Variants in ZNF385B observed in about 807,000 individuals in gnomAD.
The protein encoded by ZNF385B is zinc finger protein 385B, also known as zinc finger protein 533.
Under a neutral mutation model 39.2 loss-of-function variants are expected in ZNF385B, and 23 were observed. The ratio of observed to expected loss-of-function variants is 0.59; its 90% CI spans 0.42 to 0.83. ZNF385B has a LOEUF of 0.83. Ranked by LOEUF, ZNF385B falls within the 40% of genes least tolerant of loss-of-function variation. ZNF385B has a pLI of 0.00. For missense variants in ZNF385B, 552 were observed against 598.9 expected (o/e 0.92, Z 0.82); for synonymous variants, 205 against 222.6 (o/e 0.92, Z 0.70).
At chr2:179,688,490 A>AACAAC (rs1698096846) in intron 3 of ZNF385B, among the ~76,000 whole-genome samples, 29 of 149,680 alleles carry the variant, frequency 1.9e-4, no homozygotes, top group African/African-American at 7.2e-4. Flanking sequence ...TCCCCCTGCA[A>AACAAC]AACAACAACA....
At chr2:179,667,779 C>G (rs887768450) in intron 3 of ZNF385B, among the ~76,000 whole-genome samples, 2 of 152,128 alleles carry the variant, frequency 1.3e-5, no homozygotes, top group Non-Finnish European at 2.9e-5. Flanking sequence ...CAGAGATGAC[C>G]AGATATCATA....
intron 3 of ZNF385B, among the ~76,000 whole-genome samples, chr2:179,726,226 T>A (rs1701011355): frequency 6.6e-6 from 1 of 152,070 alleles, no homozygotes. Context: ...CATTAAAATC[T>A]CATTGATTTA....
At position 179,819,795 on chromosome 2, in the gene ZNF385B, T is replaced by C. The variant is rs540439387; in HGVS notation, c.-155+41306A>G. Among the ~76,000 whole-genome samples, 6 of 152,326 alleles carry C rather than the reference T, an allele frequency of 3.9e-5. No individual in the cohort carries two copies. The East Asian group carries it at 1.2e-3, about 29-fold the overall frequency. ...TACATTTTAGTCCACAGCAGCCATG[T>C]TGTCAAATTCTATTATTACACTATT... On this transcript the variant is annotated intron_variant, in intron 1 of 9. Transcript: ENST00000410066.
chr2:179,702,830 GT>G (rs1699311660), intron 3 of ZNF385B, among the ~76,000 whole-genome samples: 1 of 152,132 alleles, frequency 6.6e-6, no homozygotes, highest in African/African-American at 2.4e-5. Flanking sequence ...TTGTTTTTAA[GT>G]TTTGAGGGAT....
intron 3 of ZNF385B, among the ~76,000 whole-genome samples, chr2:179,589,134 TGGGAAGAATTAAGGAA>T (rs1687347331): frequency 6.6e-6 from 1 of 152,300 alleles, no homozygotes; most frequent in South Asian, 2.1e-4. Context: ...CCAAGCACCT[TGGGAAGAATTAAGGAA>T]GGTATGTCAG....
At chr2:179,761,170 G>C (rs1703361557) in intron 3 of ZNF385B, among the ~76,000 whole-genome samples, 2 of 152,102 alleles carry the variant, frequency 1.3e-5, no homozygotes, top group East Asian at 3.9e-4. Flanking sequence ...TGGGTAGAGA[G>C]ATCCCTCCTT....
intron 3 of ZNF385B, among the ~76,000 whole-genome samples, chr2:179,683,756 G>A (rs894595325): frequency 6.6e-6 from 1 of 152,130 alleles, no homozygotes; most frequent in African/African-American, 2.4e-5. Flanking sequence ...GATTACAGGC[G>A]TGAGCCACGG....
chr2:179,820,143 G>T (rs1707318706), intron 1 of ZNF385B, among the ~76,000 whole-genome samples: 1 of 151,544 alleles, frequency 6.6e-6, no homozygotes, highest in South Asian at 2.1e-4. Context: ...TTTCTTAAGT[G>T]GTAAGAATTT....
chr2:179,832,417 A>G (rs1276016262), intron 1 of ZNF385B, among the ~76,000 whole-genome samples: 1 of 152,232 alleles, frequency 6.6e-6, no homozygotes, highest in African/African-American at 2.4e-5. Context: ...CAGGGTCAGT[A>G]TTTGCATGTA....
At chr2:179,556,612 G>A (rs776180593) in intron 3 of ZNF385B, among the ~76,000 whole-genome samples, 7 of 149,410 alleles carry the variant, frequency 4.7e-5, no homozygotes, top group South Asian at 2.1e-4. Context: ...GGTCGAGAAC[G>A]GATTGGGAGG....
At chr2:179,627,105 A>C (rs1690729227) in intron 3 of ZNF385B, among the ~76,000 whole-genome samples, 1 of 152,152 alleles carries the variant, frequency 6.6e-6, no homozygotes, top group Admixed American at 6.6e-5. Context: ...ATCATATCAC[A>C]TTCACTTCTT....
chr2:179,505,909 T>C lies in ZNF385B; in HGVS notation c.552+12619A>G, dbSNP rs1254511937. 7.2e-5 allele frequency among the ~76,000 whole-genome samples: 11 copies of C among 152,284 alleles called. No homozygotes were observed. In the East Asian group the frequency reaches 1.9e-3, roughly 27 times the overall value. On this transcript the variant is annotated intron_variant, in intron 5 of 9. Transcript: ENST00000410066. ...TAACGAATAATAAAATAGTTTTCTCTGAAAAACAGTTTTTTATTGGTCTAA... is the reference window on the plus strand; with the variant it reads ...TAACGAATAATAAAATAGTTTTCTCCGAAAAACAGTTTTTTATTGGTCTAA...
chr2:179,443,491 A>G, intron 9 of ZNF385B, 23 bp from the exon 10 acceptor site: 2 of 1,552,782 alleles, frequency 1.3e-6, no homozygotes, highest in Non-Finnish European at 1.8e-6. Context: ...GAAAACCAGG[A>G]ATGGGGTGGA....
At chr2:179,492,792 T>C (rs908391183) in intron 5 of ZNF385B, among the ~76,000 whole-genome samples, 5 of 152,096 alleles carry the variant, frequency 3.3e-5, no homozygotes, top group South Asian at 2.1e-4. Context: ...AATATGTAAA[T>C]GTGAAGACTA....
intron 3 of ZNF385B, among the ~76,000 whole-genome samples, chr2:179,581,582 G>A (rs1251829301): frequency 6.6e-6 from 1 of 152,086 alleles, no homozygotes; most frequent in Admixed American, 6.6e-5. Flanking sequence ...ATGTCATTTG[G>A]TGAGCATTTA....
chr2:179,490,652 A>T (rs1367167959), intron 5 of ZNF385B, among the ~76,000 whole-genome samples: 2 of 152,118 alleles, frequency 1.3e-5, no homozygotes, highest in Non-Finnish European at 2.9e-5. Context: ...AAATAAAATC[A>T]TTTCTTACAA....
chr2:179,460,045 G>A (rs926938146), intron 6 of ZNF385B, among the ~76,000 whole-genome samples: 3 of 151,876 alleles, frequency 2.0e-5, no homozygotes, highest in Non-Finnish European at 2.9e-5. Context: ...CAGAGGTTGC[G>A]GTGAGCCGAG....
Position 179,446,766 on chromosome 2 carries a change from A to C in ZNF385B, c.720T>G (p.Asp240Glu). The C allele has an allele frequency of 1.9e-6, 3 of 1,610,312 alleles. No individual in the cohort carries two copies. Among genetic ancestry groups the C allele is most frequent in the Non-Finnish European group, 2.5e-6 (3 of 1,178,746 alleles). ...AACTGCTGGCTTTTAACTTCCCTTTATCTTCTAAGAGAAACACAGAGAGAT... is the reference window on the plus strand; with the variant it reads ...AACTGCTGGCTTTTAACTTCCCTTTCTCTTCTAAGAGAAACACAGAGAGAT... Reference protein sequence around the residue: ...ITGNNSDKSEDKGKLKASSSS... With the variant: ...ITGNNSDKSEEKGKLKASSSS... Residue 240 changes from aspartate to glutamate, a missense_variant, in exon 7 of 10, where the codon GAT (aspartate) becomes GAG (glutamate). Asp to Glu is a conservative substitution (Grantham distance 45). Transcript: ENST00000410066.
At chr2:179,644,595 T>C (rs1221673190) in intron 3 of ZNF385B, among the ~76,000 whole-genome samples, 2 of 152,220 alleles carry the variant, frequency 1.3e-5, no homozygotes, top group East Asian at 3.8e-4. Context: ...CTTACTCTCA[T>C]TGTGAAAGTT....
Sources: gnomAD v4.1 joint callset for allele counts (sites outside exome capture counted in the v4.1 genomes callset) on GRCh38, gnomAD v4.1.1 for gene constraint, MANE v1.5 for transcripts, NCBI Gene and HGNC (gene_info 2026-07-23, HGNC 2026-07-21) for gene names.